CHSY3: variants seen among roughly 807,000 people sequenced by gnomAD.
The protein encoded by CHSY3 is chondroitin sulfate synthase 3.
A neutral mutation model predicts 67.2 loss-of-function variants in CHSY3; 35 were observed. The ratio of observed to expected loss-of-function variants is 0.52; its 90% CI spans 0.40 to 0.69. The LOEUF (loss-of-function observed/expected upper bound fraction) is 0.69, where lower values mean the gene tolerates loss of function less well. CHSY3 is among the 30% of genes least tolerant of loss of function. The pLI is 0.00. For synonymous variants in CHSY3, 474 were observed against 434.7 expected (o/e 1.09, Z -1.12); for missense variants, 1,069 against 1,138.5 (o/e 0.94, Z 0.88).
At chr5:130,071,232 C>T (rs535700735) in intron 2 of CHSY3, among the ~76,000 whole-genome samples, 1 of 152,088 alleles carries the variant, frequency 6.6e-6, no homozygotes, top group Non-Finnish European at 1.5e-5. Context: ...AGTAAATGCA[C>T]AGTTTTATAA....
At chr5:130,143,784 G>GTGTATATATATATATATGTGTGTA (rs1179526892) in intron 2 of CHSY3, among the ~76,000 whole-genome samples, 1 of 73,844 alleles carries the variant, frequency 1.4e-5, no homozygotes, top group African/African-American at 6.2e-5. Context: ...ATATATATGT[G>GTGTATATATATATATATGTGTGTA]TATATATATA....
At chr5:129,958,494 A>T (rs1762241249) in intron 2 of CHSY3, among the ~76,000 whole-genome samples, 1 of 152,138 alleles carries the variant, frequency 6.6e-6, no homozygotes, top group Non-Finnish European at 1.5e-5. Context: ...CCTCCAGGTC[A>T]CTTTAACATT....
At chr5:130,073,333 G>T (rs1766147243) in intron 2 of CHSY3, among the ~76,000 whole-genome samples, 1 of 151,360 alleles carries the variant, frequency 6.6e-6, no homozygotes, top group Non-Finnish European at 1.5e-5. Flanking sequence ...TGTCACTCAG[G>T]CTGGAGTGCA....
chr5:130,181,589 G>C (rs1770245011), intron 2 of CHSY3, among the ~76,000 whole-genome samples: 1 of 152,036 alleles, frequency 6.6e-6, no homozygotes, highest in African/African-American at 2.4e-5. Context: ...TTGGAGTATA[G>C]CAGATAAATA....
chr5:130,092,376 T>A (rs1766910520), intron 2 of CHSY3, among the ~76,000 whole-genome samples: 1 of 152,116 alleles, frequency 6.6e-6, no homozygotes. Flanking sequence ...CCTGCATAAG[T>A]GGGCCGAAAC....
rs1014983796 is a variant in CHSY3 at position 129,972,198 on chromosome 5, G to A, written c.1086+63838G>A. 3.0e-4 allele frequency among the ~76,000 whole-genome samples: 45 copies of A among 151,958 alleles called. 1 individual carries two copies. The highest frequency in any genetic ancestry group is 7.4e-5 in the Non-Finnish European group (5 of 67,962). The stretch of plus-strand genomic sequence containing the variant: ...TTATTTAGAATGACTTAAAAATTAT[G>A]ACATAACCAGTCCCCAAGTTTAAGA... On this transcript the variant is annotated intron_variant, in intron 2 of 2. Coordinates refer to ENST00000305031, the MANE Select transcript of CHSY3 (RefSeq NM_175856.5).
chr5:129,951,581 T>C (rs1762024482), intron 2 of CHSY3, among the ~76,000 whole-genome samples: 1 of 152,198 alleles, frequency 6.6e-6, no homozygotes, highest in Non-Finnish European at 1.5e-5. Context: ...ACATGTCATC[T>C]TTCTCCCTGG....
intron 2 of CHSY3, among the ~76,000 whole-genome samples, chr5:130,065,496 G>T (rs769075609): frequency 1.2e-4 from 19 of 152,062 alleles, no homozygotes; most frequent in Non-Finnish European, 2.8e-4. Flanking sequence ...ATTGTATGGA[G>T]TACACTAGGG....
chr5:130,009,845 C>T (rs1031745893), intron 2 of CHSY3, among the ~76,000 whole-genome samples: 2 of 152,066 alleles, frequency 1.3e-5, no homozygotes, highest in East Asian at 3.9e-4. Context: ...GTTCTAATTT[C>T]AGACAAAACA....
intron 2 of CHSY3, among the ~76,000 whole-genome samples, chr5:129,948,945 A>G (rs965188328): frequency 2.8e-4 from 43 of 152,230 alleles, no homozygotes; most frequent in African/African-American, 8.2e-4. Flanking sequence ...GCTGTTTTCT[A>G]TAGTGGTTGG....
chr5:129,928,489 T>C (rs1761189545), intron 2 of CHSY3, among the ~76,000 whole-genome samples: 1 of 152,028 alleles, frequency 6.6e-6, no homozygotes, highest in Non-Finnish European at 1.5e-5. Context: ...AGTCTCTGCA[T>C]CATTTTAACA....
chr5:130,007,999 C>A (rs574727727), intron 2 of CHSY3, among the ~76,000 whole-genome samples: 1 of 152,246 alleles, frequency 6.6e-6, no homozygotes, highest in Non-Finnish European at 1.5e-5. Context: ...TGCAGATGGG[C>A]CCCAGCCAGT....
chr5:130,158,640 A>G (rs563108302), intron 2 of CHSY3, among the ~76,000 whole-genome samples: 140 of 152,246 alleles, frequency 9.2e-4, no homozygotes, highest in African/African-American at 3.3e-3. Flanking sequence ...GTCAAGGGAG[A>G]ATGAATTTTC....
chr5:130,110,763 A>G (rs914089688), intron 2 of CHSY3, among the ~76,000 whole-genome samples: 8 of 151,916 alleles, frequency 5.3e-5, no homozygotes, highest in Non-Finnish European at 1.2e-4. Context: ...AATCTAAATA[A>G]ACTGTGCAGC....
chr5:129,918,669 G>A (rs1760811094), intron 2 of CHSY3, among the ~76,000 whole-genome samples: 1 of 152,128 alleles, frequency 6.6e-6, no homozygotes, highest in African/African-American at 2.4e-5. Context: ...ATAGTACACT[G>A]GATAATGTGT....
At chr5:129,920,746 CT>C (rs1760894718) in intron 2 of CHSY3, among the ~76,000 whole-genome samples, 1 of 152,136 alleles carries the variant, frequency 6.6e-6, no homozygotes, top group African/African-American at 2.4e-5. Flanking sequence ...TAATTTCTTT[CT>C]CTTTCTTTGT....
intron 2 of CHSY3, among the ~76,000 whole-genome samples, chr5:130,160,261 C>T (rs954427192): frequency 6.6e-6 from 1 of 152,158 alleles, no homozygotes; most frequent in Non-Finnish European, 1.5e-5. Flanking sequence ...CATCTGACTC[C>T]CAATACTTGC....
chr5:130,145,304 C>T (rs1430812927), intron 2 of CHSY3, among the ~76,000 whole-genome samples: 1 of 152,136 alleles, frequency 6.6e-6, no homozygotes, highest in East Asian at 1.9e-4. Flanking sequence ...ACAGCTATGT[C>T]TAACTGATTT....
chr5:130,058,705 A>G (rs999192983), intron 2 of CHSY3, among the ~76,000 whole-genome samples: 1 of 152,242 alleles, frequency 6.6e-6, no homozygotes, highest in Admixed American at 6.5e-5. Context: ...TTCAGCTATC[A>G]GTTTTCTGTG....
Sources: gnomAD v4.1 joint callset for allele counts (sites outside exome capture counted in the v4.1 genomes callset) on GRCh38, gnomAD v4.1.1 for gene constraint, MANE v1.5 for transcripts, NCBI Gene and HGNC (gene_info 2026-07-23, HGNC 2026-07-21) for gene names.